Variants in KCNK2 observed in about 807,000 individuals in gnomAD.
The protein encoded by KCNK2 is potassium two pore domain channel subfamily K member 2.
In KCNK2, 21 loss-of-function variants were observed where a neutral mutation model predicts 40.5. The observed-to-expected ratio is 0.52, with a 90% CI of 0.37 to 0.75. The LOEUF is 0.75. Among genes scored for constraint, KCNK2 ranks in the 30% least tolerant of loss-of-function variants. The pLI, the probability that KCNK2 is intolerant of heterozygous loss-of-function variation, is 0.00. For missense variants in KCNK2, 399 were observed against 531.6 expected (o/e 0.75, Z 2.45); for synonymous variants, 191 against 202.2 (o/e 0.94, Z 0.47).
intron 5 of KCNK2, among the ~76,000 whole-genome samples, chr1:215,183,713 A>C (rs1664319393): frequency 6.6e-6 from 1 of 152,228 alleles, no homozygotes; most frequent in Admixed American, 6.5e-5. Context: ...TGAAGTATTA[A>C]AAACATGGTA....
chr1:215,143,093 G>T (rs1441577620), intron 3 of KCNK2, among the ~76,000 whole-genome samples: 1 of 152,124 alleles, frequency 6.6e-6, no homozygotes, highest in Non-Finnish European at 1.5e-5. Context: ...GTGTGATGTG[G>T]AATAGTGGCT....
Position 215,092,934 on chromosome 1 carries a change from T to C in KCNK2, c.357+6256T>C, listed in dbSNP as rs143873417. ...TGTATTTAAGCAAAACAGCTCAGACTGATTTCAGGTCAGCACAGCCATGTG... is the reference window on the plus strand; with the variant it reads ...TGTATTTAAGCAAAACAGCTCAGACCGATTTCAGGTCAGCACAGCCATGTG... On this transcript the variant is annotated intron_variant, in intron 2 of 6. Coordinates refer to ENST00000444842, the MANE Select transcript of KCNK2 (RefSeq NM_001017425.3). Among the ~76,000 whole-genome samples the C allele has an allele frequency of 2.7e-3, 415 of 152,302 alleles. 3 individuals are homozygous for C. Among genetic ancestry groups the C allele is most frequent in the African/African-American group, 9.5e-3 (396 of 41,560 alleles).
intron 6 of KCNK2, among the ~76,000 whole-genome samples, chr1:215,232,904 A>C (rs990639612): frequency 6.6e-6 from 1 of 152,196 alleles, no homozygotes; most frequent in African/African-American, 2.4e-5. Context: ...TAGGTAAAAA[A>C]TAGAAAAATA....
chr1:215,007,508 G>C (rs1335357489), intron 1 of KCNK2, among the ~76,000 whole-genome samples: 1 of 151,972 alleles, frequency 6.6e-6, no homozygotes, highest in East Asian at 1.9e-4. Context: ...GAGAGCTGGA[G>C]AGGTTAGGTC....
rs374977750 is a variant in KCNK2, at chr1:215,031,359, A to G, written c.34+25404A>G. Among the ~76,000 whole-genome samples the G allele has an allele frequency of 1.0e-3, 153 of 152,326 alleles. 5 individuals are homozygous for G. In the South Asian group the frequency reaches 0.031, roughly 31 times the overall value. ...ATATAGAGTCTTCGTAGCCATGAACATGAAATATCTTTCCCTTTATTTAGC... is the reference window on the plus strand; with the variant it reads ...ATATAGAGTCTTCGTAGCCATGAACGTGAAATATCTTTCCCTTTATTTAGC... On this transcript the variant is annotated intron_variant, in intron 1 of 6. Transcript: ENST00000391895.
chr1:215,158,675 G>A lies in KCNK2; in HGVS notation c.476-10524G>A, dbSNP rs559403312. ...ATTTGCCATCTTAGAGGTAGGTTACGTCTTATGAATATGACTGTAGAGACA... is the reference window on the plus strand; with the variant it reads ...ATTTGCCATCTTAGAGGTAGGTTACATCTTATGAATATGACTGTAGAGACA... On this transcript the variant is annotated intron_variant, in intron 3 of 6. Transcript: ENST00000444842. 8.5e-5 allele frequency among the ~76,000 whole-genome samples: 13 copies of A among 152,160 alleles called. No homozygotes were observed. In the East Asian group the frequency reaches 1.9e-3, roughly 23 times the overall value.
At chr1:215,024,452 G>A (rs1039775451) in intron 1 of KCNK2, among the ~76,000 whole-genome samples, 6 of 152,210 alleles carry the variant, frequency 3.9e-5, no homozygotes, top group Admixed American at 1.3e-4. Context: ...GGCTGTATAA[G>A]CCTATGCCGT....
At chr1:215,210,546 T>C (rs1404395719) in intron 6 of KCNK2, among the ~76,000 whole-genome samples, 1 of 152,108 alleles carries the variant, frequency 6.6e-6, no homozygotes, top group Non-Finnish European at 1.5e-5. Flanking sequence ...AATTATTTCA[T>C]TCCAGGAGTA....
chr1:215,054,006 T>C (rs1215643523), intron 1 of KCNK2, among the ~76,000 whole-genome samples: 2 of 152,096 alleles, frequency 1.3e-5, no homozygotes, highest in African/African-American at 4.8e-5. Context: ...GTGCTTTGAG[T>C]GTATTGAGGA....
chr1:215,209,476 T>TTATATGTAATATAATATATATTA (rs1665516734), intron 6 of KCNK2, among the ~76,000 whole-genome samples: 1 of 43,194 alleles, frequency 2.3e-5, no homozygotes, highest in Non-Finnish European at 4.2e-5. Context: ...ATAATATATA[T>TTATATGTAATATAATATATATTA]TATATATAAT....
chr1:215,025,416 C>G (rs557204465), intron 1 of KCNK2, among the ~76,000 whole-genome samples: 1 of 151,926 alleles, frequency 6.6e-6, no homozygotes, highest in Admixed American at 6.6e-5. Context: ...CTTATTTGTT[C>G]CCTATTCCCT....
At chr1:215,186,716 A>G (rs1443126852) in intron 5 of KCNK2, among the ~76,000 whole-genome samples, 1 of 152,166 alleles carries the variant, frequency 6.6e-6, no homozygotes, top group African/African-American at 2.4e-5. Context: ...TATGCAGAGA[A>G]CATGTTTTAG....
intron 3 of KCNK2, among the ~76,000 whole-genome samples, chr1:215,153,314 A>C (rs1662767680): frequency 6.6e-6 from 1 of 152,162 alleles, no homozygotes; most frequent in Non-Finnish European, 1.5e-5. Context: ...TATATTCTTA[A>C]GTCACGATCC....
At chr1:215,081,276 A>T (rs912127550), upstream of KCNK2, among the ~76,000 whole-genome samples, 13 of 152,010 alleles carry the variant, frequency 8.6e-5, no homozygotes, top group African/African-American at 3.1e-4. Flanking sequence ...TGGTGTGTGC[A>T]CTGAGGGAAG....
upstream of KCNK2, chr1:215,005,752 T>A (rs933234394): frequency 3.3e-6 from 2 of 599,370 alleles, no homozygotes; most frequent in Non-Finnish European, 6.0e-6. Flanking sequence ...AGTGTTTTTG[T>A]ACAGGAAACT....
chr1:215,212,429 T>C (rs1240688191), intron 6 of KCNK2, among the ~76,000 whole-genome samples: 1 of 152,130 alleles, frequency 6.6e-6, no homozygotes, highest in Non-Finnish European at 1.5e-5. Flanking sequence ...TGTATTTGAT[T>C]TGAAAGGTGA....
chr1:215,064,148 T>C (rs1658454912), intron 1 of KCNK2, among the ~76,000 whole-genome samples: 1 of 152,174 alleles, frequency 6.6e-6, no homozygotes, highest in South Asian at 2.1e-4. Context: ...GTTGATTCAC[T>C]TGTGGTAGTG....
intron 5 of KCNK2, among the ~76,000 whole-genome samples, chr1:215,184,440 G>C (rs950883208): frequency 1.3e-5 from 2 of 152,078 alleles, no homozygotes; most frequent in Non-Finnish European, 2.9e-5. Context: ...GCCTGATGTC[G>C]TATTGTATGT....
intron 2 of KCNK2, among the ~76,000 whole-genome samples, chr1:215,087,078 A>C (rs1445894981): frequency 6.6e-6 from 1 of 152,258 alleles, no homozygotes; most frequent in African/African-American, 2.4e-5. Context: ...GTCAACTGAG[A>C]AACATTGCTG....
Sources: gnomAD v4.1 joint callset for allele counts (sites outside exome capture counted in the v4.1 genomes callset) on GRCh38, gnomAD v4.1.1 for gene constraint, MANE v1.5 for transcripts, NCBI Gene and HGNC (gene_info 2026-07-23, HGNC 2026-07-21) for gene names.